MAP3K4: variants seen among roughly 807,000 people sequenced by gnomAD.
MAP3K4 encodes the protein MAP three kinase 1.
In MAP3K4, 67 loss-of-function variants were observed where a neutral mutation model predicts 185.6. The observed-to-expected ratio is 0.36, with a 90% CI of 0.30 to 0.44. MAP3K4 has a LOEUF of 0.44. MAP3K4 is among the 20% of genes least tolerant of loss of function. The probability of loss-of-function intolerance (pLI) is 1.00; values close to 1 mark genes in which losing one functional copy is unlikely to be tolerated. For missense variants in MAP3K4, 1,551 were observed against 1,995.1 expected, an observed-to-expected ratio of 0.78 and a Z score of 4.24; for synonymous variants, 702 against 710.4, an observed-to-expected ratio of 0.99 and a Z score of 0.19.
rs529523683 is a variant in MAP3K4, at chr6:161,098,995, G to A, written c.3674+568G>A. On this transcript the variant is annotated intron_variant, in intron 17 of 26. Coordinates refer to ENST00000392142, the MANE Select transcript of MAP3K4 (RefSeq NM_005922.4). The surrounding 1 kb of genome is among the most constrained non-coding windows in gnomAD (Gnocchi z 4.4). ...GCAAGCCCCAGAACAATTAAGTCTCGCATTGTCTTTTGTGTAAGTAAGGAG... is the reference window on the plus strand; with the variant it reads ...GCAAGCCCCAGAACAATTAAGTCTCACATTGTCTTTTGTGTAAGTAAGGAG... Among the ~76,000 whole-genome samples the A allele has an allele frequency of 6.6e-6, 1 of 152,284 alleles. No homozygotes were observed. Among genetic ancestry groups the A allele is most frequent in the Admixed American group, 6.5e-5 (1 of 15,296 alleles).
At chr6:161,046,648 C>G (rs921840369) in intron 2 of MAP3K4, among the ~76,000 whole-genome samples, 31 of 151,318 alleles carry the variant, frequency 2.0e-4, no homozygotes, top group African/African-American at 7.2e-4. Context: ...TAAGAAAAAC[C>G]AAGCTATAAG....
chr6:161,105,674 G>T (rs1462281327), intron 19 of MAP3K4, among the ~76,000 whole-genome samples: 1 of 152,206 alleles, frequency 6.6e-6, no homozygotes, highest in Non-Finnish European at 1.5e-5. Flanking sequence ...AGGTGTAAAA[G>T]TAATGGAAGT....
rs1291076919 is a variant in MAP3K4, at chr6:161,074,620, T to C, written c.2097+1008T>C. ...AGGGCTATAACTTGAAATTCTCTTG[T>C]TTTCCATAGTATCTGATAGTGTTCA... On this transcript the variant is annotated intron_variant, in intron 5 of 26. Coordinates refer to ENST00000392142, the MANE Select transcript of MAP3K4 (RefSeq NM_005922.4). The surrounding 1 kb of genome is among the most constrained non-coding windows in gnomAD (Gnocchi z 5.0). 1.3e-5 allele frequency among the ~76,000 whole-genome samples: 2 copies of C among 152,260 alleles called. No homozygotes were observed. Among genetic ancestry groups the C allele is most frequent in the African/African-American group, 2.4e-5 (1 of 41,468 alleles).
intron 1 of MAP3K4, among the ~76,000 whole-genome samples, chr6:161,004,780 TC>T (rs1583095297): frequency 6.6e-6 from 1 of 152,210 alleles, no homozygotes; most frequent in East Asian, 1.9e-4. Flanking sequence ...AGAAACTTGT[TC>T]CTTAAATAAT....
intron 1 of MAP3K4, among the ~76,000 whole-genome samples, chr6:161,025,434 A>G (rs1187658963): frequency 6.6e-6 from 1 of 152,152 alleles, no homozygotes; most frequent in African/African-American, 2.4e-5. Context: ...GTCACCAAAT[A>G]CTTTGGGAGA....
rs1267928041 is a variant in MAP3K4 at position 161,043,769 on chromosome 6, C to T, written c.344-4847C>T. Reference sequence around the variant, plus strand: ...GCTTGAGCTAGATGATCTCTAAGTCCCTTCAGGTTGCTGACTTGTCTGGTA... The same window carrying T: ...GCTTGAGCTAGATGATCTCTAAGTCTCTTCAGGTTGCTGACTTGTCTGGTA... On this transcript the variant is annotated intron_variant, in intron 2 of 26. Transcript: ENST00000392142. The surrounding 1 kb of genome is among the most constrained non-coding windows in gnomAD (Gnocchi z 4.3). Among the ~76,000 whole-genome samples, 12 of 152,102 alleles carry T rather than the reference C, an allele frequency of 7.9e-5. No homozygotes were observed. Among genetic ancestry groups the T allele is most frequent in the Admixed American group, 7.9e-4 (12 of 15,270 alleles).
intron 2 of MAP3K4, among the ~76,000 whole-genome samples, chr6:161,046,632 TTAATA>T (rs1343223386): frequency 3.3e-5 from 5 of 151,648 alleles, no homozygotes; most frequent in Non-Finnish European, 7.4e-5. Flanking sequence ...TAAGGCAAGT[TTAATA>T]TAAGAAAAAC....
rs1215824464 is a variant in MAP3K4, at chr6:160,996,677, C to T, written c.152+4594C>T. ...AGAGAAGGAGATTAGCTGAAGACTC[C>T]GTAGGTCTTCATAAGCTGGCACTCC... On this transcript the variant is annotated intron_variant, in intron 1 of 26. Coordinates refer to ENST00000392142, the MANE Select transcript of MAP3K4 (RefSeq NM_005922.4). The surrounding 1 kb of genome is among the most constrained non-coding windows in gnomAD (Gnocchi z 4.5). Among the ~76,000 whole-genome samples the T allele has an allele frequency of 1.3e-5, 2 of 152,106 alleles. No individual in the cohort carries two copies. The highest frequency in any genetic ancestry group is 2.9e-5 in the Non-Finnish European group (2 of 68,020).
In MAP3K4 at chr6:161,053,392, T is replaced by C. The variant is rs1224576615; in HGVS notation, c.1707+3413T>C. 6.6e-6 allele frequency among the ~76,000 whole-genome samples: 1 copy of C among 152,224 alleles called. No homozygotes were observed. The highest frequency in any genetic ancestry group is 1.5e-5 in the Non-Finnish European group (1 of 68,028). ...CACAGATCCACATCTTATCAAATGGTAAAATGCTCTACAAATCAACCATAA... is the reference window on the plus strand; with the variant it reads ...CACAGATCCACATCTTATCAAATGGCAAAATGCTCTACAAATCAACCATAA... On this transcript the variant is annotated intron_variant, in intron 3 of 26. Coordinates refer to ENST00000392142, the MANE Select transcript of MAP3K4 (RefSeq NM_005922.4). The surrounding 1 kb of genome is among the most constrained non-coding windows in gnomAD (Gnocchi z 4.2).
intron 3 of MAP3K4, among the ~76,000 whole-genome samples, chr6:161,068,939 TG>T (rs1201591798): frequency 6.6e-6 from 1 of 152,222 alleles, no homozygotes; most frequent in East Asian, 1.9e-4. Flanking sequence ...GTTCTAGATG[TG>T]GGGGTTTATG....
rs1194566673 is a variant in MAP3K4, at chr6:161,056,445, A to G, written c.1707+6466A>G. Among the ~76,000 whole-genome samples the G allele has an allele frequency of 6.6e-6, 1 of 152,200 alleles. No homozygotes were observed. Among genetic ancestry groups the G allele is most frequent in the Non-Finnish European group, 1.5e-5 (1 of 68,038 alleles). On this transcript the variant is annotated intron_variant, in intron 3 of 26. Coordinates refer to ENST00000392142, the MANE Select transcript of MAP3K4 (RefSeq NM_005922.4). The surrounding 1 kb of genome is among the most constrained non-coding windows in gnomAD (Gnocchi z 5.4). ...CACACAGATTTATAATTCCCTATCTAAAATAATCATGAGTTCATACTGATG... is the reference window on the plus strand; with the variant it reads ...CACACAGATTTATAATTCCCTATCTGAAATAATCATGAGTTCATACTGATG...
chr6:161,068,551 A>G (rs1784802393), intron 3 of MAP3K4, among the ~76,000 whole-genome samples: 1 of 152,206 alleles, frequency 6.6e-6, no homozygotes, highest in Admixed American at 6.5e-5. Context: ...TCAGTGAAGC[A>G]TTGCATTTTA....
In MAP3K4 at chr6:160,991,770, C is replaced by A; in HGVS notation, c.-162C>A. 1 of 761,782 alleles carries A rather than the reference C, an allele frequency of 1.3e-6. No individual in the cohort carries two copies. Among genetic ancestry groups the A allele is most frequent in the Non-Finnish European group, 1.9e-6 (1 of 531,408 alleles). 47.2% of individuals were successfully genotyped at this position (761,782 alleles called of 1,614,324 possible). ...CTCGCCGCCCACCGTAGCCCCGGCG[C>A]TCGGCCGGTCGCCGTTTCCAAGATG... is the stretch of plus-strand genomic sequence containing the variant. On this transcript the variant is annotated 5_prime_UTR_variant, in exon 1 of 27. Transcript: ENST00000392142. This position sits in a 1 kb window ranked among gnomAD's most constrained non-coding sequence, Gnocchi z 5.7.
rs1397999257 is a variant in MAP3K4, at chr6:161,108,869, C to T, written c.4236+10C>T. 1 of 1,604,186 alleles carries T rather than the reference C, an allele frequency of 6.2e-7. No individual in the cohort carries two copies. The highest frequency in any genetic ancestry group is 8.5e-7 in the Non-Finnish European group (1 of 1,171,104). On this transcript the variant is annotated intron_variant, in intron 22 of 26. Coordinates refer to ENST00000392142, the MANE Select transcript of MAP3K4 (RefSeq NM_005922.4). The surrounding 1 kb of genome is among the most constrained non-coding windows in gnomAD (Gnocchi z 5.7). The stretch of plus-strand genomic sequence containing the variant: ...TGTGGAGCTCCATAGAGTAAGCCGA[C>T]CCTAATGCCACTCTTTGTGTGAGGA...
intron 3 of MAP3K4, among the ~76,000 whole-genome samples, chr6:161,059,163 C>T (rs1226895352): frequency 6.6e-6 from 1 of 150,630 alleles, no homozygotes; most frequent in Admixed American, 6.6e-5. Flanking sequence ...TAAGTCAGAG[C>T]CTCACACTGT....
rs1778208382 is a variant in MAP3K4 at position 161,108,534 on chromosome 6, T to C, written c.4120-209T>C. Among the ~76,000 whole-genome samples the C allele has an allele frequency of 6.6e-6, 1 of 152,086 alleles. No homozygotes were observed. Among genetic ancestry groups the C allele is most frequent in the African/African-American group, 2.4e-5 (1 of 41,418 alleles). On this transcript the variant is annotated intron_variant, in intron 21 of 26. Transcript: ENST00000392142. The surrounding 1 kb of genome is among the most constrained non-coding windows in gnomAD (Gnocchi z 5.7). ...CACTCCCTCTCGGAGCAGGGCCTCT[T>C]CCTCCTCTGTGCCCGGGACCTACCC...
At chr6:161,083,542 A>G (rs1785556320) in intron 6 of MAP3K4, among the ~76,000 whole-genome samples, 1 of 152,194 alleles carries the variant, frequency 6.6e-6, no homozygotes, top group Non-Finnish European at 1.5e-5. Flanking sequence ...ATTGCCCTCC[A>G]CAGCATGGCC....
At chr6:161,083,835 T>C (rs374668069) in intron 6 of MAP3K4, among the ~76,000 whole-genome samples, 13 of 152,330 alleles carry the variant, frequency 8.5e-5, no homozygotes, top group African/African-American at 3.1e-4. Flanking sequence ...AAACTGTGCC[T>C]TCGGGGTTGG....
chr6:161,050,086 CAA>C, intron 3 of MAP3K4, 107 bp downstream of exon 3: 1 of 1,132,660 alleles, frequency 8.8e-7, no homozygotes, highest in Non-Finnish European at 1.3e-6. Context: ...TTTTTGAACA[CAA>C]ATGGCAGTTA....
Sources: gnomAD v4.1 joint callset for allele counts (sites outside exome capture counted in the v4.1 genomes callset) on GRCh38, gnomAD v4.1.1 for gene constraint, Gnocchi (gnomAD v3.1) non-coding constraint, MANE v1.5 for transcripts, NCBI Gene and HGNC (gene_info 2026-07-23, HGNC 2026-07-21) for gene names.